The following ARFGEF3 variants were observed in gnomAD, a reference collection of about 807,000 sequenced individuals.
ARFGEF3 encodes the protein ARFGEF family member 3.
ARFGEF3 carries 96 observed loss-of-function variants against 221.7 expected under a neutral mutation model. That is an observed-to-expected ratio of 0.43 (90% confidence interval 0.37 to 0.51). The LOEUF (loss-of-function observed/expected upper bound fraction) is 0.51, where lower values mean the gene tolerates loss of function less well. ARFGEF3 is among the 20% of genes least tolerant of loss of function. The pLI is 0.00. For missense variants in ARFGEF3, 2,410 were observed against 2,789.9 expected, an observed-to-expected ratio of 0.86 and a Z score of 3.07; for synonymous variants, 1,145 against 1,126.8, an observed-to-expected ratio of 1.02 and a Z score of -0.32.
chr6:138,170,110 T>G (rs951043551), intron 1 of ARFGEF3, among the ~76,000 whole-genome samples: 6 of 152,204 alleles, frequency 3.9e-5, no homozygotes, highest in African/African-American at 1.4e-4. Flanking sequence ...AATGGCAAAG[T>G]ATTGAACATC....
At chr6:138,244,033 A>G in intron 7 of ARFGEF3, among the ~76,000 whole-genome samples, 1 of 152,230 alleles carries the variant, frequency 6.6e-6, no homozygotes, top group Non-Finnish European at 1.5e-5. Context: ...AACTAAAAAA[A>G]GGGGGTCTGC....
chr6:138,208,146 T>C (rs1167805294), intron 3 of ARFGEF3, among the ~76,000 whole-genome samples: 2 of 151,362 alleles, frequency 1.3e-5, no homozygotes, highest in Non-Finnish European at 3.0e-5. Context: ...TTCTCTCTCT[T>C]TTTTCTTTAA....
At chr6:138,167,450 A>G (rs1776744143) in intron 1 of ARFGEF3, among the ~76,000 whole-genome samples, 1 of 152,146 alleles carries the variant, frequency 6.6e-6, no homozygotes, top group Non-Finnish European at 1.5e-5. Context: ...ACAAGGCTCA[A>G]AGTGACTGTG....
At chr6:138,247,956 G>A (rs1464540398) in intron 8 of ARFGEF3, among the ~76,000 whole-genome samples, 1 of 152,194 alleles carries the variant, frequency 6.6e-6, no homozygotes, top group Non-Finnish European at 1.5e-5. Context: ...GTAAAAGGGT[G>A]TTAGGAAGGG....
At chr6:138,206,126 G>A (rs1777620892) in intron 2 of ARFGEF3, among the ~76,000 whole-genome samples, 1 of 152,196 alleles carries the variant, frequency 6.6e-6, no homozygotes, top group Non-Finnish European at 1.5e-5. Flanking sequence ...TTAAGTGGGG[G>A]TGGAGAAACC....
chr6:138,335,544 CAAAA>C (rs113813772), intron 33 of ARFGEF3, among the ~76,000 whole-genome samples: 84 of 127,012 alleles, frequency 6.6e-4, no homozygotes, highest in African/African-American at 2.1e-3. Flanking sequence ...ATCATCTCTA[CAAAA>C]AAAAAAAAAA....
chr6:138,297,097 C>T (rs1205740736), intron 21 of ARFGEF3, 142 bp downstream of exon 21: 6 of 898,182 alleles, frequency 6.7e-6, no homozygotes, highest in Non-Finnish European at 9.9e-6. Context: ...TGGTCACAAA[C>T]ATCACTGTTT....
intron 9 of ARFGEF3, among the ~76,000 whole-genome samples, chr6:138,254,367 G>A (rs139423792): frequency 2.0e-3 from 296 of 151,036 alleles, no homozygotes; most frequent in African/African-American, 2.9e-3. Flanking sequence ...TGCAGCGAGC[G>A]GAGATAAAGC....
At chr6:138,268,254 A>G (rs1331318324) in intron 12 of ARFGEF3, among the ~76,000 whole-genome samples, 1 of 152,228 alleles carries the variant, frequency 6.6e-6, no homozygotes, top group Non-Finnish European at 1.5e-5. Flanking sequence ...AGAGAAAGTT[A>G]TGAAAGTAAA....
rs1776619550 is a variant in ARFGEF3 at position 138,161,949 on chromosome 6, A to C, written c.-138A>C. 1 of 261,512 alleles carries C rather than the reference A, an allele frequency of 3.8e-6. No homozygotes were observed. The highest frequency in any genetic ancestry group is 9.9e-5 in the East Asian group (1 of 10,090). 16.2% of individuals were successfully genotyped at this position (261,512 alleles called of 1,614,324 possible). A position where few individuals can be genotyped will look rare whatever the true frequency, so the allele number is the denominator to read the frequency against. ...CGGCATGGAGCGGGCGTGATTCATC[A>C]GCATCCGCGCCGGGGCGGCATGGGG... On this transcript the variant is annotated 5_prime_UTR_variant, in exon 1 of 34. Transcript: ENST00000251691.
rs78328202 is a variant in ARFGEF3, at chr6:138,201,868, A to C, written c.138-5174A>C. Among the ~76,000 whole-genome samples, 252 of 152,294 alleles carry C rather than the reference A, an allele frequency of 1.7e-3. 1 individual carries two copies. Among genetic ancestry groups the C allele is most frequent in the African/African-American group, 5.9e-3 (244 of 41,556 alleles). ...ACATTGGTGCTTGTATTGAAAGATAATTATTGGTAAATCCTAACTCTTCCT... is the reference window on the plus strand; with the variant it reads ...ACATTGGTGCTTGTATTGAAAGATACTTATTGGTAAATCCTAACTCTTCCT... On this transcript the variant is annotated intron_variant, in intron 2 of 33. Coordinates refer to ENST00000251691, the MANE Select transcript of ARFGEF3 (RefSeq NM_020340.5).
chr6:138,165,454 C>A (rs1223327118), intron 1 of ARFGEF3, among the ~76,000 whole-genome samples: 2 of 150,474 alleles, frequency 1.3e-5, no homozygotes, highest in East Asian at 4.0e-4. Flanking sequence ...GAGAGAGGGT[C>A]ATTCCCCACT....
chr6:138,188,539 A>G (rs1238277094), intron 2 of ARFGEF3, among the ~76,000 whole-genome samples: 1 of 152,206 alleles, frequency 6.6e-6, no homozygotes, highest in Non-Finnish European at 1.5e-5. Flanking sequence ...AAGGTCATGC[A>G]TTTATATGGT....
intron 1 of ARFGEF3, among the ~76,000 whole-genome samples, chr6:138,163,401 CCACAGTACT>C (rs1776657257): frequency 1.3e-5 from 2 of 152,128 alleles, no homozygotes; most frequent in South Asian, 4.1e-4. Context: ...GCTCTTAAAG[CCACAGTACT>C]ATTTTTGCCG....
At chr6:138,225,587 A>G (rs931681400) in intron 4 of ARFGEF3, among the ~76,000 whole-genome samples, 1 of 152,172 alleles carries the variant, frequency 6.6e-6, no homozygotes, top group Non-Finnish European at 1.5e-5. Flanking sequence ...GATGTCAAAG[A>G]CTGTGCTTCC....
intron 2 of ARFGEF3, among the ~76,000 whole-genome samples, chr6:138,193,239 TG>T (rs1432471632): frequency 6.6e-6 from 1 of 152,212 alleles, no homozygotes; most frequent in East Asian, 1.9e-4. Flanking sequence ...TCTTCTTCAC[TG>T]AGCTGACCAA....
chr6:138,276,796 G>T (rs1397443634), intron 12 of ARFGEF3, among the ~76,000 whole-genome samples: 1 of 152,064 alleles, frequency 6.6e-6, no homozygotes, highest in Non-Finnish European at 1.5e-5. Context: ...CTACCAAATG[G>T]CTGGGACTAC....
intron 24 of ARFGEF3, among the ~76,000 whole-genome samples, chr6:138,310,142 G>C (rs1445304174): frequency 6.6e-6 from 1 of 152,234 alleles, no homozygotes; most frequent in Non-Finnish European, 1.5e-5. Flanking sequence ...CATGGTGCCT[G>C]TGTCCTGCCT....
At chr6:138,226,523 T>C (rs998075945) in intron 4 of ARFGEF3, among the ~76,000 whole-genome samples, 1 of 152,234 alleles carries the variant, frequency 6.6e-6, no homozygotes, top group Admixed American at 6.5e-5. Flanking sequence ...AGGCAGTTTC[T>C]GCAAGCTGGT....
Sources: allele counts gnomAD v4.1 joint callset (sites outside exome capture counted in the v4.1 genomes callset), GRCh38; gene constraint gnomAD v4.1.1; transcripts MANE v1.5; gene names NCBI Gene and HGNC (gene_info 2026-07-23, HGNC 2026-07-21).